Variants in PLGRKT observed in about 807,000 individuals in gnomAD.
The protein encoded by PLGRKT is plasminogen receptor (KT).
Under a neutral mutation model 18.5 loss-of-function variants are expected in PLGRKT, and 22 were observed. The observed-to-expected ratio is 1.19, with a 90% CI of 0.85 to 1.70. PLGRKT has a LOEUF of 1.70. Ranked by LOEUF, PLGRKT falls within the 40% of genes most tolerant of loss-of-function variation. The probability of loss-of-function intolerance (pLI) is 0.00; values close to 1 mark genes in which losing one functional copy is unlikely to be tolerated. For synonymous variants in PLGRKT, 72 were observed against 52.8 expected (o/e 1.36, Z -1.58); for missense variants, 235 against 174.4 (o/e 1.35, Z -1.96).
At chr9:5,377,921 G>T (rs1393565001) in intron 3 of PLGRKT, among the ~76,000 whole-genome samples, 1 of 152,112 alleles carries the variant, frequency 6.6e-6, no homozygotes, top group Admixed American at 6.5e-5. Flanking sequence ...AAAAATAGAA[G>T]GCAGTACCAC....
intron 3 of PLGRKT, among the ~76,000 whole-genome samples, chr9:5,426,358 A>G (rs921099727): frequency 6.6e-6 from 1 of 152,228 alleles, no homozygotes; most frequent in Non-Finnish European, 1.5e-5. Context: ...AAAAAAGGAA[A>G]GAACAGCTCA....
intron 3 of PLGRKT, among the ~76,000 whole-genome samples, chr9:5,401,571 A>C (rs2131128576): frequency 6.6e-6 from 1 of 151,690 alleles, no homozygotes; most frequent in African/African-American, 2.4e-5. Flanking sequence ...ACTTTGTGTC[A>C]AAAAAAACAT....
In PLGRKT at chr9:5,416,592, T is replaced by C. The variant is rs770436282; in HGVS notation, c.81+15305A>G. ...CCAAGCAATGAAGAACAAAAATTAA[T>C]GAAAATTTGCTCTCTTCAGATTTAT... On this transcript the variant is annotated intron_variant, in intron 3 of 5. Transcript: ENST00000223864. Among the ~76,000 whole-genome samples the C allele has an allele frequency of 2.6e-5, 4 of 152,040 alleles. No homozygotes were observed. The East Asian group carries it at 7.7e-4, about 29-fold the overall frequency.
intron 3 of PLGRKT, among the ~76,000 whole-genome samples, chr9:5,423,805 C>T (rs1818622274): frequency 6.7e-6 from 1 of 148,392 alleles, no homozygotes; most frequent in African/African-American, 2.6e-5. Context: ...CAGGCTCAAG[C>T]AATCCTCCCA....
chr9:5,365,453 C>T (rs1043094745), intron 3 of PLGRKT, among the ~76,000 whole-genome samples: 2 of 152,174 alleles, frequency 1.3e-5, no homozygotes, highest in Admixed American at 6.5e-5. Flanking sequence ...CATTTATATA[C>T]ATACTCCTCC....
chr9:5,404,579 G>A (rs763517435), intron 3 of PLGRKT, among the ~76,000 whole-genome samples: 16 of 151,910 alleles, frequency 1.1e-4, no homozygotes, highest in African/African-American at 2.2e-4. Flanking sequence ...ATTCAACATC[G>A]CTTCATGTTA....
At chr9:5,431,843 G>C in intron 3 of PLGRKT, 54 bp downstream of exon 3, 2 of 846,156 alleles carry the variant, frequency 2.4e-6, no homozygotes, top group Non-Finnish European at 2.0e-6. Context: ...AGTACATGTG[G>C]TAGAAACTTT....
chr9:5,419,103 T>C (rs1189586315), intron 3 of PLGRKT: 1 of 212,798 alleles, frequency 4.7e-6, no homozygotes, highest in Non-Finnish European at 9.5e-6. Flanking sequence ...CACAGGTGTG[T>C]TCATTTTGTC....
chr9:5,405,396 G>C (rs1009568711), intron 3 of PLGRKT, among the ~76,000 whole-genome samples: 1 of 152,156 alleles, frequency 6.6e-6, no homozygotes, highest in Non-Finnish European at 1.5e-5. Flanking sequence ...CATGGTACTG[G>C]TATTTTTAAA....
At chr9:5,415,535 T>C (rs1458949798) in intron 3 of PLGRKT, among the ~76,000 whole-genome samples, 2 of 152,136 alleles carry the variant, frequency 1.3e-5, no homozygotes, top group South Asian at 2.1e-4. Flanking sequence ...CTCAAAGATA[T>C]TTATCAATTA....
chr9:5,426,427 A>T (rs1818702981), intron 3 of PLGRKT, among the ~76,000 whole-genome samples: 1 of 152,126 alleles, frequency 6.6e-6, no homozygotes, highest in South Asian at 2.1e-4. Context: ...TCAAGGAACA[A>T]ACCAATCTTC....
chr9:5,381,188 T>C (rs918295690), intron 3 of PLGRKT, among the ~76,000 whole-genome samples: 12 of 152,326 alleles, frequency 7.9e-5, no homozygotes, highest in Non-Finnish European at 1.3e-4. Context: ...TGGAGCCAAA[T>C]GTTAATAGCC....
intron 3 of PLGRKT, among the ~76,000 whole-genome samples, chr9:5,365,905 G>C (rs1322064517): frequency 6.6e-6 from 1 of 152,056 alleles, no homozygotes; most frequent in Non-Finnish European, 1.5e-5. Context: ...AGGCAATCTT[G>C]TCCATCTTTC....
chr9:5,414,756 A>C (rs1818427325), intron 3 of PLGRKT, among the ~76,000 whole-genome samples: 1 of 152,232 alleles, frequency 6.6e-6, no homozygotes, highest in Non-Finnish European at 1.5e-5. Flanking sequence ...GCAATTCTAA[A>C]ACTATTTTAC....
At position 5,416,016 on chromosome 9, in the gene PLGRKT, T is replaced by C. The variant is rs1199160579; in HGVS notation, c.81+15881A>G. Among the ~76,000 whole-genome samples the C allele has an allele frequency of 3.9e-5, 6 of 152,104 alleles. No individual in the cohort carries two copies. In the East Asian group the frequency reaches 1.2e-3, roughly 29 times the overall value. ...AATATTAATCTCCTGGTTTTGATCA[T>C]TGTACAATGACTTTGTAAATTGTTA... On this transcript the variant is annotated intron_variant, in intron 3 of 5. Coordinates refer to ENST00000223864, the MANE Select transcript of PLGRKT (RefSeq NM_018465.4).
chr9:5,375,956 A>G (rs913219784), intron 3 of PLGRKT, among the ~76,000 whole-genome samples: 1 of 152,252 alleles, frequency 6.6e-6, no homozygotes, highest in Admixed American at 6.5e-5. Flanking sequence ...ACCCAAGTGC[A>G]TATCAACGGA....
At position 5,375,277 on chromosome 9, in the gene PLGRKT, T is replaced by C. The variant is rs144759584; in HGVS notation, c.82-13389A>G. Among the ~76,000 whole-genome samples the C allele has an allele frequency of 8.9e-3, 1,353 of 152,264 alleles. 28 individuals carry two copies. The highest frequency in any genetic ancestry group is 0.031 in the African/African-American group (1,302 of 41,538). On this transcript the variant is annotated intron_variant, in intron 3 of 5. Transcript: ENST00000223864. The stretch of plus-strand genomic sequence containing the variant: ...TTGACATGCGAGCTAAGATATGAAG[T>C]GTTGAAAACAATAGTGGTTCATTAT...
At chr9:5,378,633 G>A (rs1330345746) in intron 3 of PLGRKT, among the ~76,000 whole-genome samples, 1 of 152,124 alleles carries the variant, frequency 6.6e-6, no homozygotes, top group African/African-American at 2.4e-5. Flanking sequence ...AATTAATTGA[G>A]TTGTACACTT....
intron 3 of PLGRKT, among the ~76,000 whole-genome samples, chr9:5,430,852 C>G (rs556202199): frequency 2.6e-5 from 4 of 152,328 alleles, no homozygotes; most frequent in South Asian, 2.1e-4. Context: ...TGACTTGCAA[C>G]ATTTTAAAAT....
Sources: gnomAD v4.1 joint callset for allele counts (sites outside exome capture counted in the v4.1 genomes callset) on GRCh38, gnomAD v4.1.1 for gene constraint, MANE v1.5 for transcripts, NCBI Gene and HGNC (gene_info 2026-07-23, HGNC 2026-07-21) for gene names.